Variants in PLEKHH1 observed in about 807,000 individuals in gnomAD.
PLEKHH1 encodes the protein pleckstrin homology, MyTH4 and FERM domain containing H1.
A neutral mutation model predicts 160.0 loss-of-function variants in PLEKHH1; 104 were observed. The observed-to-expected ratio is 0.65, with a 90% CI of 0.55 to 0.76. The LOEUF is 0.76. Ranked by LOEUF, PLEKHH1 falls within the 30% of genes least tolerant of loss-of-function variation. PLEKHH1 has a pLI of 0.00. For missense variants in PLEKHH1, 1,427 were observed against 1,724.1 expected (o/e 0.83, Z 3.05); for synonymous variants, 619 against 678.4 (o/e 0.91, Z 1.36).
chr14:67,582,210 G>T lies in PLEKHH1; in HGVS notation c.3426G>T (p.Gln1142His). 1 of 1,613,684 alleles carries T rather than the reference G, an allele frequency of 6.2e-7. No individual in the cohort carries two copies. Among genetic ancestry groups the T allele is most frequent in the East Asian group, 2.2e-5 (1 of 44,886 alleles). The change falls in exon 24 of 29, where the codon CAG (glutamine) becomes CAT (histidine). Residue 1142 changes from glutamine (Q) to histidine (H), a missense_variant and splice_region_variant. Coordinates refer to ENST00000329153, the MANE Select transcript of PLEKHH1 (RefSeq NM_020715.3). The surrounding 1 kb of genome is among the most constrained non-coding windows in gnomAD (Gnocchi z 5.0). The part of the protein sequence containing the change: ...LALEMAALMA[Q>H]VEYGDLEKPA... ...TTGAGATGGCTGCCCTGATGGCCCA[G>T]GTAAGGTTCTGTTCAGGAAGCAGGA...
At position 67,578,553 on chromosome 14, in the gene PLEKHH1, T is replaced by C. The variant is rs1383308309; in HGVS notation, c.2771T>C (p.Leu924Pro). The change falls in exon 20 of 29, where the codon CTG becomes CCG. Residue 924 changes from leucine (L) to proline (P), a missense_variant. Around this residue, in one of 6 missense-constraint regions of PLEKHH1, gnomAD observed 436 missense variants for 607.5 expected, o/e 0.72. Transcript: ENST00000329153. This position sits in a 1 kb window ranked among gnomAD's most constrained non-coding sequence, Gnocchi z 5.0. ...TGGCAGTGCTGGCAGCTCCTCGCTC[T>C]GTGTGCTCCACTTTTCCTGCCTCAG... The part of the protein sequence containing the change: ...SLMQCWQLLA[L>P]CAPLFLPQHH... The C allele has an allele frequency of 2.5e-6, 4 of 1,610,954 alleles. No homozygotes were observed. The highest frequency in any genetic ancestry group is 3.4e-6 in the Non-Finnish European group (4 of 1,178,820).
intron 9 of PLEKHH1, chr14:67,570,406 T>C (rs1159146437): frequency 2.6e-6 from 1 of 378,018 alleles, no homozygotes; most frequent in Non-Finnish European, 3.7e-6. Context: ...AGAATTGCAA[T>C]ATTTTCATAC....
At position 67,579,865 on chromosome 14, in the gene PLEKHH1, G is replaced by A. The variant is rs772013981; in HGVS notation, c.3172G>A (p.Gly1058Arg). 4.4e-6 allele frequency: 7 copies of A among 1,601,184 alleles called. No individual in the cohort carries two copies. The highest frequency in any genetic ancestry group is 3.3e-4 in the Middle Eastern group (2 of 6,052). The change falls in exon 22 of 29, where the codon GGA becomes AGA. Residue 1058 changes from glycine (G) to arginine (R), a missense_variant. Around this residue, in one of 6 missense-constraint regions of PLEKHH1, gnomAD observed 436 missense variants for 607.5 expected, o/e 0.72. Coordinates refer to ENST00000329153, the MANE Select transcript of PLEKHH1 (RefSeq NM_020715.3). ...CAGGGACCTGGAGCACTGCCTGCAG[G>A]GAAGTGTCAAGGTGACAGCCTCCCA... is the stretch of plus-strand genomic sequence containing the variant. ...SGRDLEHCLQ[G>R]SVKICDAISK...
In PLEKHH1 at chr14:67,582,150, G is replaced by A. The variant is rs1455734723; in HGVS notation, c.3366G>A (p.Val1122=). The A allele has an allele frequency of 6.2e-7, 1 of 1,613,168 alleles. No homozygotes were observed. The highest frequency in any genetic ancestry group is 8.5e-7 in the Non-Finnish European group (1 of 1,179,590). Residue 1122 remains valine, a synonymous_variant, in exon 24 of 29, where the codon GTG becomes GTA. Coordinates refer to ENST00000329153, the MANE Select transcript of PLEKHH1 (RefSeq NM_020715.3). The surrounding 1 kb of genome is among the most constrained non-coding windows in gnomAD (Gnocchi z 5.0). ...LLASQTSREI[V]AGRFPINKEL... is the part of the protein sequence containing the mutation. ...CCTCTCAAACCAGTAGAGAGATAGT[G>A]GCAGGGAGGTTTCCTATCAACAAGG...
rs776509111 is a variant in PLEKHH1 at position 67,587,126 on chromosome 14, CTG to C, written c.3989_3990del (p.Val1330GlufsTer59). 4 of 1,613,790 alleles carry C rather than the reference CTG, an allele frequency of 2.5e-6. No homozygotes were observed. In the African/African-American group the frequency reaches 4.0e-5, roughly 16 times the overall value. ...AGCTATATGAACCATTGCACTACAA[CTG>C]TGAACCCCCCCACCAACCCACCCGG... On this transcript the variant is annotated frameshift_variant, in exon 29 of 29. Transcript: ENST00000329153. LOFTEE classifies it high-confidence loss of function.
chr14:67,584,203 G>A, intron 26 of PLEKHH1, 79 bp downstream of exon 26: 1 of 1,462,074 alleles, frequency 6.8e-7, no homozygotes, highest in Non-Finnish European at 9.4e-7. Flanking sequence ...CCAATTTGCA[G>A]CCCCTACCTC....
At chr14:67,562,932 C>T in intron 7 of PLEKHH1, 38 bp downstream of exon 7, 4 of 1,584,432 alleles carry the variant, frequency 2.5e-6, no homozygotes, top group Non-Finnish European at 3.4e-6. Flanking sequence ...AGGAGCAGAG[C>T]TAATGGCAAG....
chr14:67,571,718 C>G (rs1297037418), intron 9 of PLEKHH1, 34 bp from the exon 10 acceptor site: 3 of 1,600,054 alleles, frequency 1.9e-6, no homozygotes, highest in South Asian at 1.1e-5. Flanking sequence ...GTTTTGCAGC[C>G]TGAGCTGCAG....
rs202145271 is a variant in PLEKHH1 at position 67,580,198 on chromosome 14, C to G, written c.3183+322C>G. 3.1e-4 allele frequency: 77 copies of G among 246,030 alleles called. 1 individual carries two copies. In the East Asian group the frequency reaches 7.6e-3, roughly 24 times the overall value. 15.2% of individuals were successfully genotyped at this position (246,030 alleles called of 1,614,324 possible). ...CCACGAAGCCACTGCCTACACGTGC[C>G]CACTCAGAGGCTCACAGCTGTGTGC... On this transcript the variant is annotated intron_variant, in intron 22 of 28. Coordinates refer to ENST00000329153, the MANE Select transcript of PLEKHH1 (RefSeq NM_020715.3).
Position 67,542,762 on chromosome 14 carries a change from G to A in PLEKHH1, c.126+769G>A, listed in dbSNP as rs533031399. On this transcript the variant is annotated intron_variant, in intron 2 of 28. Transcript: ENST00000329153. Reference sequence around the variant, plus strand: ...GTTGCCCAGGCTGGAGTGCAATGGCGCCATCGCAGCTCGCCACAATCTCCG... The same window carrying A: ...GTTGCCCAGGCTGGAGTGCAATGGCACCATCGCAGCTCGCCACAATCTCCG... Among the ~76,000 whole-genome samples the A allele has an allele frequency of 2.2e-3, 337 of 152,116 alleles. 1 individual carries two copies. The highest frequency in any genetic ancestry group is 7.9e-3 in the African/African-American group (328 of 41,486).
chr14:67,543,415 C>T lies in PLEKHH1; in HGVS notation c.126+1422C>T, dbSNP rs534930564. ...TGTGCAGGGTACTGCCAGGTACTGCCGATAGAAAGGAATGAATATACATCA... is the reference window on the plus strand; with the variant it reads ...TGTGCAGGGTACTGCCAGGTACTGCTGATAGAAAGGAATGAATATACATCA... On this transcript the variant is annotated intron_variant, in intron 2 of 28. Coordinates refer to ENST00000329153, the MANE Select transcript of PLEKHH1 (RefSeq NM_020715.3). 1.6e-4 allele frequency among the ~76,000 whole-genome samples: 24 copies of T among 152,192 alleles called. 1 individual carries two copies. In the South Asian group the frequency reaches 3.3e-3, roughly 21 times the overall value.
In PLEKHH1 at chr14:67,583,796, C is replaced by T. The variant is rs767102221; in HGVS notation, c.3482C>T (p.Pro1161Leu). The change falls in exon 25 of 29, where the codon CCT (proline) becomes CTT (leucine). Residue 1161 changes from proline to leucine, a missense_variant. Coordinates refer to ENST00000329153, the MANE Select transcript of PLEKHH1 (RefSeq NM_020715.3). Reference protein sequence around the residue: ...PALPGPGGTSPAKAQHLLQQV... With the variant: ...PALPGPGGTSLAKAQHLLQQV... ...CTGCCAGGCCCTGGAGGCACATCCC[C>T]TGCCAAGGCTCAGCATCTTCTCCAG... 1 of 1,612,928 alleles carries T rather than the reference C, an allele frequency of 6.2e-7. No homozygotes were observed. The highest frequency in any genetic ancestry group is 1.1e-5 in the South Asian group (1 of 90,852).
Position 67,585,563 on chromosome 14 carries a change from C to G in PLEKHH1, c.3700-5C>G. The G allele has an allele frequency of 6.4e-7, 1 of 1,569,776 alleles. No homozygotes were observed. Among genetic ancestry groups the G allele is most frequent in the Non-Finnish European group, 8.7e-7 (1 of 1,155,302 alleles). On this transcript the variant is annotated splice_polypyrimidine_tract_variant and splice_region_variant and intron_variant, in intron 26 of 28. Transcript: ENST00000329153. ...ATATCTGATGGGTTGTTTCTGTTTC[C>G]CCAGCCTGCCCAGCTGTCTTCCAAG... is the stretch of plus-strand genomic sequence containing the variant.
intron 27 of PLEKHH1, 35 bp downstream of exon 27, chr14:67,585,689 C>G: frequency 7.1e-7 from 1 of 1,399,848 alleles, no homozygotes; most frequent in Middle Eastern, 1.8e-4. Flanking sequence ...CTGACCCCTC[C>G]TCTTCCTCAA....
At chr14:67,543,972 A>G (rs2034075258) in intron 2 of PLEKHH1, among the ~76,000 whole-genome samples, 1 of 152,146 alleles carries the variant, frequency 6.6e-6, no homozygotes, top group Non-Finnish European at 1.5e-5. Context: ...TGGCCTCCCT[A>G]GAGTAATGTA....
chr14:67,572,424 G>C (rs367725279), intron 11 of PLEKHH1, 147 bp downstream of exon 11: 30 of 644,760 alleles, frequency 4.7e-5, no homozygotes, highest in East Asian at 3.6e-4. Flanking sequence ...GGCTGGGGGG[G>C]TGTACAGTTA....
chr14:67,574,523 C>A lies in PLEKHH1; in HGVS notation c.2088+120C>A. The A allele has an allele frequency of 2.7e-6, 2 of 735,620 alleles. No homozygotes were observed. Among genetic ancestry groups the A allele is most frequent in the Non-Finnish European group, 4.1e-6 (2 of 491,626 alleles). 45.6% of individuals were successfully genotyped at this position (735,620 alleles called of 1,614,324 possible). A position where few individuals can be genotyped will look rare whatever the true frequency, so the allele number is the denominator to read the frequency against. Reference sequence around the variant, plus strand: ...CGGGGCTCCTTTCTCTGGGAGCCTCCTCACAGTGACTCGCTGGCCAGCCCT... The same window carrying A: ...CGGGGCTCCTTTCTCTGGGAGCCTCATCACAGTGACTCGCTGGCCAGCCCT... On this transcript the variant is annotated intron_variant, in intron 14 of 28. Transcript: ENST00000329153. This position sits in a 1 kb window ranked among gnomAD's most constrained non-coding sequence, Gnocchi z 4.2.
At position 67,579,317 on chromosome 14, in the gene PLEKHH1, G is replaced by A. The variant is rs374649413; in HGVS notation, c.3027+6G>A. 2.7e-4 allele frequency: 404 copies of A among 1,502,072 alleles called. No homozygotes were observed. The highest frequency in any genetic ancestry group is 4.4e-4 in the Admixed American group (18 of 40,712). 93.0% of individuals were successfully genotyped at this position (1,502,072 alleles called of 1,614,324 possible). A position where few individuals can be genotyped will look rare whatever the true frequency, so the allele number is the denominator to read the frequency against. On this transcript the variant is annotated splice_donor_region_variant and intron_variant, in intron 21 of 28. Transcript: ENST00000329153. ...TTACCAACGGGACTTACCATGTGAG[G>A]AGCTGGGCGTGCTCTTTGCCCCGAG... is the stretch of plus-strand genomic sequence containing the variant.
rs781696462 is a variant in PLEKHH1, at chr14:67,562,289, C to A, written c.658C>A (p.Pro220Thr). The A allele has an allele frequency of 1.2e-6, 2 of 1,613,668 alleles. No individual in the cohort carries two copies. Among genetic ancestry groups the A allele is most frequent in the African/African-American group, 1.3e-5 (1 of 74,914 alleles). The part of the protein sequence containing the change: ...GLKAAVLAPS[P>T]GALQSKDSVS... The stretch of plus-strand genomic sequence containing the variant: ...GAAGGCAGCTGTGCTTGCACCTTCC[C>A]CAGGTGCCCTGCAGAGCAAGGACTC... The change falls in exon 7 of 29, where the codon CCA (proline) becomes ACA (threonine). Residue 220 changes from proline to threonine, a missense_variant. Physicochemically the swap from Pro to Thr is conservative, Grantham distance 38. Around this residue, in one of 6 missense-constraint regions of PLEKHH1, gnomAD observed 831 missense variants for 929.2 expected, o/e 0.89. Coordinates refer to ENST00000329153, the MANE Select transcript of PLEKHH1 (RefSeq NM_020715.3).
Sources: allele counts gnomAD v4.1 joint callset (sites outside exome capture counted in the v4.1 genomes callset), GRCh38; gene constraint gnomAD v4.1.1; regional missense constraint gnomAD v4.1.1; non-coding constraint Gnocchi (gnomAD v3.1); transcripts MANE v1.5; gene names NCBI Gene and HGNC (gene_info 2026-07-23, HGNC 2026-07-21).